Variants in SOS1 observed in about 807,000 individuals in gnomAD.
The protein encoded by SOS1 is son of sevenless homolog 1.
A neutral mutation model predicts 157.6 loss-of-function variants in SOS1; 25 were observed. That is an observed-to-expected ratio of 0.16 (90% CI 0.12 to 0.22). The LOEUF is 0.22. Ranked by LOEUF, SOS1 falls within the 10% of genes least tolerant of loss-of-function variation. The pLI, the probability that SOS1 is intolerant of heterozygous loss-of-function variation, is 1.00. For missense variants in SOS1, 1,237 were observed against 1,599.1 expected (o/e 0.77, Z 3.86); for synonymous variants, 528 against 534.0 (o/e 0.99, Z 0.16).
chr2:39,023,304 AGTAG>A, intron 9 of SOS1, 79 bp from the exon 10 acceptor site: 6 of 1,077,628 alleles, frequency 5.6e-6, no homozygotes, highest in Non-Finnish European at 6.9e-6. Flanking sequence ...AAAGTGTAAA[AGTAG>A]ATTTTTACAA....
chr2:39,077,901 A>T (rs1271773785), intron 1 of SOS1, among the ~76,000 whole-genome samples: 1 of 152,226 alleles, frequency 6.6e-6, no homozygotes, highest in Non-Finnish European at 1.5e-5. Context: ...TTAGGAAAGA[A>T]TTTATTTAGA....
rs147051518 is a variant in SOS1 at position 39,062,422 on chromosome 2, T to TAA, written c.214-3620_214-3619dup. On this transcript the variant is annotated intron_variant, in intron 2 of 22. Transcript: ENST00000402219. The stretch of plus-strand genomic sequence containing the variant: ...GACAGAGGGAGTCTCTGTCTCAAAA[T>TAA]AAAAAAAAAAATTAAAAAAAAAAAG... 1.3e-3 allele frequency among the ~76,000 whole-genome samples: 159 copies of TAA among 118,752 alleles called. 3 individuals carry two copies. Among genetic ancestry groups the TAA allele is most frequent in the East Asian group, 0.013 (56 of 4,316 alleles). The allele number at this position is 118,752 out of a possible 152,430, so 77.9% of individuals were successfully genotyped here.
At chr2:39,010,976 A>G (rs1669449098) in intron 14 of SOS1, among the ~76,000 whole-genome samples, 1 of 146,656 alleles carries the variant, frequency 6.8e-6, no homozygotes, top group Non-Finnish European at 1.5e-5. Context: ...GCTCACTGCA[A>G]CCTCCGCCTC....
intron 1 of SOS1, among the ~76,000 whole-genome samples, chr2:39,080,496 G>A (rs908113845): frequency 1.3e-5 from 2 of 152,032 alleles, no homozygotes; most frequent in Non-Finnish European, 2.9e-5. Context: ...TTAAACTGAG[G>A]TTATATGTAC....
rs573358659 is a variant in SOS1, at chr2:39,013,756, T to A, written c.2063+111A>T. 1.3e-4 allele frequency: 126 copies of A among 992,966 alleles called. No individual in the cohort carries two copies. The African/African-American group carries it at 1.8e-3, about 14-fold the overall frequency. The allele number at this position is 992,966 out of a possible 1,614,324, so 61.5% of individuals were successfully genotyped here. On this transcript the variant is annotated intron_variant, in intron 12 of 22. Coordinates refer to ENST00000402219, the MANE Select transcript of SOS1 (RefSeq NM_005633.4). ...AACTGCTCTAATTAGTAAATTTAAT[T>A]TACTAATTTTATTGTCACCCCTCTC...
rs1166828207 is a variant in SOS1 at position 39,048,247 on chromosome 2, A to G, written c.864+2897T>C. ...TTTTAAAATTTGTCCTCATTCTTGA[A>G]TAATACTGTAGTTGGGTAGAAAATC... On this transcript the variant is annotated intron_variant, in intron 6 of 22. Transcript: ENST00000402219. Among the ~76,000 whole-genome samples, 3 of 152,192 alleles carry G rather than the reference A, an allele frequency of 2.0e-5. No individual in the cohort carries two copies. In the East Asian group the frequency reaches 5.8e-4, roughly 29 times the overall value.
chr2:39,067,976 G>A (rs548094704), intron 1 of SOS1, among the ~76,000 whole-genome samples: 3 of 151,992 alleles, frequency 2.0e-5, no homozygotes, highest in Non-Finnish European at 4.4e-5. Flanking sequence ...AAAATTAGCC[G>A]GGCCTTGTGG....
intron 1 of SOS1, among the ~76,000 whole-genome samples, chr2:39,113,485 T>C (rs764227079): frequency 1.4e-4 from 22 of 151,766 alleles, no homozygotes; most frequent in South Asian, 2.1e-4. Context: ...CCCAGCAATA[T>C]AGTGTTTAAA....
At chr2:39,111,636 CT>C (rs1486520528) in intron 1 of SOS1, among the ~76,000 whole-genome samples, 1 of 152,114 alleles carries the variant, frequency 6.6e-6, no homozygotes. Context: ...TCCATAATCT[CT>C]GTGGACTTCA....
chr2:39,086,033 C>T (rs537130998), intron 1 of SOS1, among the ~76,000 whole-genome samples: 4 of 152,154 alleles, frequency 2.6e-5, no homozygotes, highest in African/African-American at 9.7e-5. Context: ...TAACCCTGCA[C>T]GAATTACTTA....
At chr2:38,992,297 G>A (rs1323516306) in intron 20 of SOS1, 1 of 152,140 alleles carries the variant, frequency 6.6e-6, no homozygotes, top group Non-Finnish European at 1.5e-5. Context: ...TATTACACTG[G>A]TTTATTTGAT....
intron 1 of SOS1, among the ~76,000 whole-genome samples, chr2:39,083,128 C>T (rs1420264607): frequency 6.6e-6 from 1 of 152,088 alleles, no homozygotes; most frequent in East Asian, 1.9e-4. Flanking sequence ...ATGTTACAGA[C>T]CCTGAATGCT....
chr2:39,087,734 T>C (rs1672430192), intron 1 of SOS1, among the ~76,000 whole-genome samples: 1 of 152,156 alleles, frequency 6.6e-6, no homozygotes, highest in African/African-American at 2.4e-5. Flanking sequence ...AGTGGTGCAA[T>C]CTTGGTTCAC....
chr2:39,077,899 G>T (rs974535158), intron 1 of SOS1, among the ~76,000 whole-genome samples: 2 of 152,046 alleles, frequency 1.3e-5, no homozygotes, highest in African/African-American at 2.4e-5. Flanking sequence ...AGTTAGGAAA[G>T]AATTTATTTA....
chr2:38,998,356 T>A (rs1668972924), intron 17 of SOS1, among the ~76,000 whole-genome samples: 1 of 152,102 alleles, frequency 6.6e-6, no homozygotes, highest in Admixed American at 6.5e-5. Flanking sequence ...TTCAAGCGAT[T>A]CTCCTGTCTC....
Position 38,981,748 on chromosome 2 carries a change from G to A in SOS1, c.*4076C>T, listed in dbSNP as rs1040937396. The A allele has an allele frequency of 2.0e-5, 3 of 152,010 alleles. No homozygotes were observed. The highest frequency in any genetic ancestry group is 4.4e-5 in the Non-Finnish European group (3 of 67,986). The allele number at this position is 152,010 out of a possible 1,614,324, so 9.4% of individuals were successfully genotyped here. A position where few individuals can be genotyped will look rare whatever the true frequency, so the allele number is the denominator to read the frequency against. ...ACACTTTGTTCTTACATCAAAGACC[G>A]ACCGACAGAGCAATTTTTTGACAAT... On this transcript the variant is annotated 3_prime_UTR_variant, in exon 23 of 23. Transcript: ENST00000402219.
intron 1 of SOS1, among the ~76,000 whole-genome samples, chr2:39,068,407 C>A: frequency 6.6e-6 from 1 of 152,178 alleles, no homozygotes; most frequent in East Asian, 1.9e-4. Flanking sequence ...ATTCAACATT[C>A]TGCTTGGGCA....
In SOS1 at chr2:39,043,208, GTTTAAT is replaced by G. The variant is rs970217462; in HGVS notation, c.865-7714_865-7709del. ...ATTTTAAAGAAATTCATGAGTGAAT[GTTTAAT>G]TTTAAGAAAGCCTTTTTCTTGAGAT... On this transcript the variant is annotated intron_variant, in intron 6 of 22. Coordinates refer to ENST00000402219, the MANE Select transcript of SOS1 (RefSeq NM_005633.4). Among the ~76,000 whole-genome samples, 4 of 152,244 alleles carry G rather than the reference GTTTAAT, an allele frequency of 2.6e-5. No homozygotes were observed. The South Asian group carries it at 6.2e-4, about 24-fold the overall frequency.
intron 8 of SOS1, 97 bp from the exon 9 acceptor site, chr2:39,024,234 T>TAAC (rs1558475329): frequency 1.1e-6 from 1 of 948,566 alleles, no homozygotes. Flanking sequence ...TATTCAACTG[T>TAAC]CACAATAAAA....
Sources: gnomAD v4.1 joint callset for allele counts (sites outside exome capture counted in the v4.1 genomes callset) on GRCh38, gnomAD v4.1.1 for gene constraint, MANE v1.5 for transcripts, NCBI Gene and HGNC (gene_info 2026-07-23, HGNC 2026-07-21) for gene names.